Variants in GPHN observed in about 807,000 individuals in gnomAD.
The protein encoded by GPHN is gephyrin.
A neutral mutation model predicts 95.5 loss-of-function variants in GPHN; 17 were observed. The ratio of observed to expected loss-of-function variants is 0.18; its 90% CI spans 0.12 to 0.27. The LOEUF is 0.27. GPHN is among the 10% of genes least tolerant of loss of function. The pLI is 1.00. For synonymous variants in GPHN, 320 were observed against 322.5 expected, an observed-to-expected ratio of 0.99 and a Z score of 0.08; for missense variants, 660 against 978.1, an observed-to-expected ratio of 0.67 and a Z score of 4.34.
At chr14:67,402,331 G>T in the GPHN span, among the ~76,000 whole-genome samples, 1 of 152,074 alleles carries the variant, frequency 6.6e-6, no homozygotes, top group African/African-American at 2.4e-5. Context: ...TGGGGTACAT[G>T]AGCTATTTTG....
chr14:67,733,156 A>G, the GPHN span, among the ~76,000 whole-genome samples: 1 of 152,024 alleles, frequency 6.6e-6, no homozygotes, highest in South Asian at 2.1e-4. Context: ...AAAAAACATG[A>G]TGAGAACTGT....
the GPHN span, chr14:67,312,656 C>T: frequency 1.2e-6 from 2 of 1,613,004 alleles, no homozygotes; most frequent in Non-Finnish European, 1.7e-6. Context: ...AAACTGGTGG[C>T]AGGCCTACAG....
chr14:66,712,795 A>T (rs986993022), intron 2 of GPHN, among the ~76,000 whole-genome samples: 2 of 152,168 alleles, frequency 1.3e-5, no homozygotes, highest in Admixed American at 6.5e-5. Flanking sequence ...CACTGCATCC[A>T]CACCAACATC....
chr14:67,192,966 C>T, the GPHN span, among the ~76,000 whole-genome samples: 2 of 143,320 alleles, frequency 1.4e-5, no homozygotes, highest in African/African-American at 2.5e-5. Flanking sequence ...ATCTATATAT[C>T]GATATCTAGA....
chr14:67,734,780 C>T, the GPHN span, among the ~76,000 whole-genome samples: 4 of 152,326 alleles, frequency 2.6e-5, no homozygotes, highest in South Asian at 2.1e-4. Context: ...AGACACTCTT[C>T]CCCTTGAGTT....
chr14:67,273,164 C>T, the GPHN span, among the ~76,000 whole-genome samples: 12 of 150,662 alleles, frequency 8.0e-5, no homozygotes, highest in African/African-American at 2.0e-4. Context: ...ATGTGCACAA[C>T]GTGCAGGTTT....
chr14:67,517,535 C>G, the GPHN span, among the ~76,000 whole-genome samples: 3 of 152,102 alleles, frequency 2.0e-5, no homozygotes, highest in African/African-American at 7.2e-5. Context: ...CAGAGAAGCT[C>G]TATTGTAGAA....
At chr14:67,703,214 A>G in the GPHN span, among the ~76,000 whole-genome samples, 2 of 152,188 alleles carry the variant, frequency 1.3e-5, no homozygotes, top group Non-Finnish European at 2.9e-5. Context: ...TTTTGGAAAA[A>G]ATTGGGACCT....
At chr14:67,663,259 T>C in the GPHN span, 1 of 1,123,156 alleles carries the variant, frequency 8.9e-7, no homozygotes, top group Non-Finnish European at 1.3e-6. Context: ...TTGTCTTAAT[T>C]GTATTTTCTG....
chr14:67,506,972 G>C, the GPHN span, among the ~76,000 whole-genome samples: 1 of 151,772 alleles, frequency 6.6e-6, no homozygotes, highest in African/African-American at 2.4e-5. Context: ...GACAGGGCCA[G>C]ATTCCATCTA....
chr14:66,842,043 A>T (rs1416612709), intron 4 of GPHN, among the ~76,000 whole-genome samples: 2 of 150,270 alleles, frequency 1.3e-5, no homozygotes, highest in Non-Finnish European at 1.5e-5. Context: ...ACAGAGTAAG[A>T]CTCCTTCCCC....
intron 1 of GPHN, among the ~76,000 whole-genome samples, chr14:66,596,108 C>A (rs1420171848): frequency 6.6e-6 from 1 of 152,000 alleles, no homozygotes; most frequent in Non-Finnish European, 1.5e-5. Flanking sequence ...CTGCTCAGCT[C>A]TCAGCAGAGA....
chr14:67,063,942 GT>G (rs1348526593), intron 11 of GPHN, among the ~76,000 whole-genome samples: 1 of 151,902 alleles, frequency 6.6e-6, no homozygotes, highest in Non-Finnish European at 1.5e-5. Flanking sequence ...TTGCCTGATT[GT>G]CCCTGGCCAG....
chr14:67,725,310 TCCACCCTAGACCATCTATGGCC>T, the GPHN span: 2 of 1,574,200 alleles, frequency 1.3e-6, no homozygotes, highest in Non-Finnish European at 1.7e-6. Context: ...GAGTGGCTGC[TCCACCCTAGACCATCTATGGCC>T]CTTACATCAG....
chr14:66,913,599 C>CAAAG (rs2065777834), intron 5 of GPHN, among the ~76,000 whole-genome samples: 1 of 152,156 alleles, frequency 6.6e-6, no homozygotes, highest in Non-Finnish European at 1.5e-5. Context: ...CTCGGCTTCC[C>CAAAG]AAAGTGCTGG....
intron 7 of GPHN, among the ~76,000 whole-genome samples, chr14:66,923,801 T>G (rs977101141): frequency 3.3e-5 from 5 of 152,138 alleles, no homozygotes; most frequent in African/African-American, 1.2e-4. Context: ...TGAGGTTTTT[T>G]TTTTAATAAT....
intron 5 of GPHN, among the ~76,000 whole-genome samples, chr14:66,896,868 T>C (rs751754395): frequency 1.3e-5 from 2 of 152,044 alleles, no homozygotes; most frequent in Admixed American, 6.6e-5. Context: ...AAAAAAGTTA[T>C]AATACGAATT....
chr14:66,968,582 G>T (rs2069512959), intron 9 of GPHN, among the ~76,000 whole-genome samples: 1 of 152,070 alleles, frequency 6.6e-6, no homozygotes, highest in Non-Finnish European at 1.5e-5. Context: ...ATCGGTACTA[G>T]AAAGAGCACT....
chr14:67,414,118 C>A, the GPHN span, among the ~76,000 whole-genome samples: 7,413 of 152,278 alleles, frequency 0.049, 377 homozygotes, highest in African/African-American at 0.13. Flanking sequence ...TTGGCCCCAC[C>A]CAGACACAAT....
Sources: gnomAD v4.1 joint callset for allele counts (sites outside exome capture counted in the v4.1 genomes callset) on GRCh38, gnomAD v4.1.1 for gene constraint, MANE v1.5 for transcripts, NCBI Gene and HGNC (gene_info 2026-07-23, HGNC 2026-07-21) for gene names.